Variants in CPED1 observed in about 807,000 individuals in gnomAD.
CPED1 encodes the protein cadherin-like and PC-esterase domain-containing protein 1.
In CPED1, 114 loss-of-function variants were observed where a neutral mutation model predicts 128.2. That is an observed-to-expected ratio of 0.89 (90% CI 0.76 to 1.04). The LOEUF is 1.04. Among genes scored for constraint, CPED1 ranks in the 50% least tolerant of loss-of-function variants. The probability of loss-of-function intolerance (pLI) is 0.00; values close to 1 mark genes in which losing one functional copy is unlikely to be tolerated. For missense variants in CPED1, 1,211 were observed against 1,207.1 expected (o/e 1.00, Z -0.05); for synonymous variants, 462 against 426.7 (o/e 1.08, Z -1.02).
chr7:121,091,692 G>C (rs1475077178), intron 5 of CPED1, among the ~76,000 whole-genome samples: 1 of 152,130 alleles, frequency 6.6e-6, no homozygotes, highest in Non-Finnish European at 1.5e-5. Flanking sequence ...TCCACATGAG[G>C]TAAGTTCTTA....
chr7:121,008,186 C>G (rs1295701689), intron 2 of CPED1, among the ~76,000 whole-genome samples: 1 of 152,084 alleles, frequency 6.6e-6, no homozygotes, highest in Admixed American at 6.6e-5. Flanking sequence ...TCATCTGCCT[C>G]CTTCCTGACA....
chr7:121,105,165 G>C (rs1360953830), intron 7 of CPED1, among the ~76,000 whole-genome samples: 2 of 152,038 alleles, frequency 1.3e-5, no homozygotes, highest in Admixed American at 6.6e-5. Context: ...GGCAAAGAGA[G>C]GAATGGTGTT....
At chr7:121,216,656 A>T (rs1490322865) in intron 16 of CPED1, among the ~76,000 whole-genome samples, 2 of 151,966 alleles carry the variant, frequency 1.3e-5, no homozygotes, top group Non-Finnish European at 2.9e-5. Flanking sequence ...TCAGAGTCTT[A>T]AGATTTCTGG....
At chr7:121,144,137 C>CA (rs1563043952) in intron 16 of CPED1, among the ~76,000 whole-genome samples, 1 of 151,946 alleles carries the variant, frequency 6.6e-6, no homozygotes, top group Non-Finnish European at 1.5e-5. Flanking sequence ...CGAGGTTTCT[C>CA]AAAAAACTAA....
At chr7:121,077,572 T>G (rs73221275) in intron 5 of CPED1, among the ~76,000 whole-genome samples, 11,973 of 151,968 alleles carry the variant, frequency 0.079, 729 homozygotes, top group African/African-American at 0.17. Context: ...AAATAATGGA[T>G]ATCTACATTT....
At chr7:121,245,698 A>C (rs1798510535) in intron 18 of CPED1, among the ~76,000 whole-genome samples, 1 of 148,742 alleles carries the variant, frequency 6.7e-6, no homozygotes, top group African/African-American at 2.5e-5. Context: ...GCTACTCCAC[A>C]GGCATTTTTT....
chr7:121,024,988 G>A (rs533207766), intron 3 of CPED1, among the ~76,000 whole-genome samples: 1 of 152,068 alleles, frequency 6.6e-6, no homozygotes, highest in Non-Finnish European at 1.5e-5. Flanking sequence ...TTCTCAATTT[G>A]GGAGGCGTTT....
chr7:121,005,775 A>G (rs1211797063), intron 2 of CPED1, among the ~76,000 whole-genome samples: 4 of 152,160 alleles, frequency 2.6e-5, no homozygotes, highest in Non-Finnish European at 5.9e-5. Context: ...TTTAAGATCT[A>G]TTTCTCTAGT....
chr7:121,048,358 G>T (rs1398975591), intron 4 of CPED1, among the ~76,000 whole-genome samples: 1 of 152,084 alleles, frequency 6.6e-6, no homozygotes, highest in Non-Finnish European at 1.5e-5. Flanking sequence ...TGTTTCGTTT[G>T]TTGTAAGCAG....
chr7:121,065,177 C>G (rs1048344381), intron 5 of CPED1, among the ~76,000 whole-genome samples: 18 of 152,200 alleles, frequency 1.2e-4, no homozygotes, highest in Middle Eastern at 3.4e-3. Context: ...CTGGCATGTT[C>G]CACTGTAAAG....
chr7:121,120,881 G>T (rs1445806017), intron 7 of CPED1, among the ~76,000 whole-genome samples: 2 of 147,940 alleles, frequency 1.4e-5, no homozygotes, highest in Non-Finnish European at 3.0e-5. Flanking sequence ...AATGTCATAG[G>T]TTTGTTTATT....
At chr7:121,215,348 C>A (rs1797738275) in intron 16 of CPED1, among the ~76,000 whole-genome samples, 1 of 152,000 alleles carries the variant, frequency 6.6e-6, no homozygotes, top group South Asian at 2.1e-4. Flanking sequence ...ATAAACAGTT[C>A]AGCAAGTATT....
Position 121,296,583 on chromosome 7 carries a change from C to A in CPED1, c.*931C>A, listed in dbSNP as rs1260486619. ...GGTGCTTTTTCCCACCAAGCATTTG[C>A]ATATGTCCACAAATAGTATTATGTT... On this transcript the variant is annotated 3_prime_UTR_variant, in exon 23 of 23. Coordinates refer to ENST00000310396, the MANE Select transcript of CPED1 (RefSeq NM_024913.5). 6.6e-6 allele frequency: 1 copy of A among 152,070 alleles called. No homozygotes were observed. The highest frequency in any genetic ancestry group is 1.5e-5 in the Non-Finnish European group (1 of 67,950). 9.4% of individuals were successfully genotyped at this position (152,070 alleles called of 1,614,324 possible). A position where few individuals can be genotyped will look rare whatever the true frequency, so the allele number is the denominator to read the frequency against.
Position 121,136,079 on chromosome 7 carries a change from A to T in CPED1, c.1688A>T (p.His563Leu). The T allele has an allele frequency of 6.4e-7, 1 of 1,551,676 alleles. No homozygotes were observed. Among genetic ancestry groups the T allele is most frequent in the Non-Finnish European group, 8.6e-7 (1 of 1,158,034 alleles). The change falls in exon 14 of 23, where the codon CAT becomes CTT. Residue 563 changes from histidine (H) to leucine (L), a missense_variant. His to Leu is a moderately conservative substitution (Grantham distance 99, BLOSUM62 -3). Coordinates refer to ENST00000310396, the MANE Select transcript of CPED1 (RefSeq NM_024913.5). ...ATTAAAAATGAAAATAAAGAAATACATTGCAGTGATGGTGAGTTGAGATTA... is the reference window on the plus strand; with the variant it reads ...ATTAAAAATGAAAATAAAGAAATACTTTGCAGTGATGGTGAGTTGAGATTA... ...PQIKNENKEIHCSDDENTPCH... is the reference protein window; with the variant it reads ...PQIKNENKEILCSDDENTPCH...
At chr7:121,045,151 T>C (rs777589918) in intron 3 of CPED1, among the ~76,000 whole-genome samples, 2 of 152,218 alleles carry the variant, frequency 1.3e-5, no homozygotes, top group African/African-American at 2.4e-5. Flanking sequence ...GGAACTTTTC[T>C]TGAAAGTGAG....
In CPED1 at chr7:121,130,177, A is replaced by G. The variant is rs1795626209; in HGVS notation, c.1460A>G (p.Asp487Gly). The G allele has an allele frequency of 1.9e-6, 3 of 1,613,060 alleles. No homozygotes were observed. The highest frequency in any genetic ancestry group is 2.7e-5 in the African/African-American group (2 of 74,984). The change falls in exon 12 of 23, where the codon GAT (aspartate) becomes GGT (glycine). Residue 487 changes from aspartate to glycine, a missense_variant. Coordinates refer to ENST00000310396, the MANE Select transcript of CPED1 (RefSeq NM_024913.5). ...GIQSLMHEFY[D>G]VANPVGNPGS... The stretch of plus-strand genomic sequence containing the variant: ...CAGTCACTGATGCATGAATTTTATG[A>G]TGTGGCAAATCCTGTGGGAAATCCT...
At chr7:121,044,395 G>A (rs76342960) in intron 3 of CPED1, among the ~76,000 whole-genome samples, 3,806 of 152,074 alleles carry the variant, frequency 0.025, 150 homozygotes, top group African/African-American at 0.087. Flanking sequence ...CAAGCATTTG[G>A]GAAGAAGGTG....
chr7:121,231,903 G>A (rs1316388505), intron 16 of CPED1, among the ~76,000 whole-genome samples: 2 of 152,094 alleles, frequency 1.3e-5, no homozygotes, highest in Non-Finnish European at 2.9e-5. Context: ...AAATATTGTT[G>A]AATGAAATAG....
chr7:121,215,038 C>T, intron 16 of CPED1, among the ~76,000 whole-genome samples: 1 of 152,008 alleles, frequency 6.6e-6, no homozygotes, highest in Non-Finnish European at 1.5e-5. Context: ...TAGTGGATGG[C>T]AAGCCTTTAC....
Sources: allele counts gnomAD v4.1 joint callset (sites outside exome capture counted in the v4.1 genomes callset), GRCh38; gene constraint gnomAD v4.1.1; transcripts MANE v1.5; gene names NCBI Gene and HGNC (gene_info 2026-07-23, HGNC 2026-07-21).